The following COP1 variants were observed in gnomAD, a reference collection of about 807,000 sequenced individuals.
The protein encoded by COP1 is COP1 E3 ubiquitin ligase.
A neutral mutation model predicts 101.3 loss-of-function variants in COP1; 24 were observed. The ratio of observed to expected loss-of-function variants is 0.24; its 90% confidence interval spans 0.17 to 0.33. COP1 has a LOEUF of 0.33. COP1 is among the 10% of genes least tolerant of loss of function. COP1 has a pLI of 1.00. For synonymous variants in COP1, 347 were observed against 341.9 expected (o/e 1.01, Z -0.17); for missense variants, 663 against 906.2 (o/e 0.73, Z 3.45).
chr1:176,046,348 A>G, intron 11 of COP1, 24 bp from the exon 12 acceptor site: 1 of 1,596,552 alleles, frequency 6.3e-7, no homozygotes, highest in Non-Finnish European at 8.5e-7. Flanking sequence ...GTATGTAATG[A>G]CAACATTTCA....
intron 15 of COP1, among the ~76,000 whole-genome samples, chr1:175,993,405 A>G (rs1659192260): frequency 6.6e-6 from 1 of 152,244 alleles, no homozygotes; most frequent in African/African-American, 2.4e-5. Context: ...AATGGCTTTG[A>G]CGAGTTGAGA....
intron 14 of COP1, among the ~76,000 whole-genome samples, chr1:176,041,985 G>A (rs1170000847): frequency 6.6e-6 from 1 of 152,082 alleles, no homozygotes; most frequent in African/African-American, 2.4e-5. Context: ...GGTGGCACGT[G>A]CCTGTAGGCC....
chr1:175,952,422 C>A (rs1402977028), intron 18 of COP1, among the ~76,000 whole-genome samples: 17 of 116,012 alleles, frequency 1.5e-4, no homozygotes, highest in African/African-American at 4.2e-4. Context: ...GACTTCATCT[C>A]AAAAAAAAAA....
In COP1 at chr1:176,112,900, C is replaced by CT. The variant is rs1056774925; in HGVS notation, c.1026+3723dup. ...TTGCTGCAAATGACAGGATTTCATTCTTTTTTACGGCTGAATAATATTCCA... is the reference window on the plus strand; with the variant it reads ...TTGCTGCAAATGACAGGATTTCATTCTTTTTTTACGGCTGAATAATATTCCA... On this transcript the variant is annotated intron_variant, in intron 9 of 19. Transcript: ENST00000367669. Among the ~76,000 whole-genome samples, 222 of 152,278 alleles carry CT rather than the reference C, an allele frequency of 1.5e-3. 1 individual carries two copies. The highest frequency in any genetic ancestry group is 5.3e-3 in the African/African-American group (219 of 41,570).
At chr1:175,968,951 C>T (rs1035126937) in intron 18 of COP1, among the ~76,000 whole-genome samples, 8 of 152,112 alleles carry the variant, frequency 5.3e-5, no homozygotes, top group African/African-American at 1.4e-4. Context: ...AATGTGCTTA[C>T]AATGACAAGT....
intron 7 of COP1, among the ~76,000 whole-genome samples, chr1:176,135,552 C>T (rs903528120): frequency 1.3e-5 from 2 of 151,984 alleles, no homozygotes; most frequent in Admixed American, 1.3e-4. Flanking sequence ...ATGTCAGTCT[C>T]TGCTTTATAT....
chr1:176,010,110 C>T (rs141734461), intron 15 of COP1, among the ~76,000 whole-genome samples: 2 of 152,284 alleles, frequency 1.3e-5, no homozygotes, highest in East Asian at 3.9e-4. Flanking sequence ...GACTCACCAA[C>T]TGTAAATGTT....
chr1:175,949,192 A>AAAAAAAAC (rs58585361), intron 18 of COP1, among the ~76,000 whole-genome samples: 1 of 142,150 alleles, frequency 7.0e-6, no homozygotes, highest in Non-Finnish European at 1.5e-5. Context: ...AAAAAAAAAA[A>AAAAAAAAC]TGAACATGGG....
intron 11 of COP1, among the ~76,000 whole-genome samples, chr1:176,079,165 C>A (rs1678634344): frequency 6.6e-6 from 1 of 152,066 alleles, no homozygotes; most frequent in Admixed American, 6.6e-5. Flanking sequence ...GTAAGTTGTT[C>A]TTCCATAAAG....
At chr1:176,141,742 T>TC (rs1360766623) in intron 6 of COP1, among the ~76,000 whole-genome samples, 1 of 151,282 alleles carries the variant, frequency 6.6e-6, no homozygotes, top group African/African-American at 2.4e-5. Context: ...TTTCTTTTTT[T>TC]TTTTTTAAGA....
rs148470952 is a variant in COP1 at position 175,945,705 on chromosome 1, T to C, written c.2179-535A>G. On this transcript the variant is annotated intron_variant, in intron 19 of 19. Transcript: ENST00000367669. The stretch of plus-strand genomic sequence containing the variant: ...TGTCATAAAAAAGTAAGTTGTGATA[T>C]TGCTAAAACTAAGAGGAAGCAAATG... Among the ~76,000 whole-genome samples the C allele has an allele frequency of 2.6e-3, 400 of 152,326 alleles. 3 individuals carry two copies. The highest frequency in any genetic ancestry group is 9.2e-3 in the African/African-American group (382 of 41,578).
At chr1:176,036,509 A>G (rs1028896211) in intron 14 of COP1, among the ~76,000 whole-genome samples, 1 of 145,046 alleles carries the variant, frequency 6.9e-6, no homozygotes, top group Admixed American at 6.9e-5. Context: ...CAAAAAAACA[A>G]AAAAAAAAAA....
At chr1:176,078,636 T>C (rs1392929611) in intron 11 of COP1, among the ~76,000 whole-genome samples, 1 of 138,426 alleles carries the variant, frequency 7.2e-6, no homozygotes, top group Admixed American at 7.1e-5. Flanking sequence ...AAAACAAAAA[T>C]TGACAAGTGG....
At chr1:176,111,039 C>T (rs1158679117) in intron 9 of COP1, among the ~76,000 whole-genome samples, 1 of 152,046 alleles carries the variant, frequency 6.6e-6, no homozygotes, top group Non-Finnish European at 1.5e-5. Context: ...GTAGCCCCAG[C>T]TACTTGGGAG....
At chr1:176,007,395 G>C (rs1433646548) in intron 15 of COP1, among the ~76,000 whole-genome samples, 1 of 152,228 alleles carries the variant, frequency 6.6e-6, no homozygotes, top group Non-Finnish European at 1.5e-5. Context: ...GAGGAACTGC[G>C]TTCCTTTGGA....
intron 3 of COP1, among the ~76,000 whole-genome samples, chr1:176,166,062 G>A (rs1303786365): frequency 6.6e-6 from 1 of 152,096 alleles, no homozygotes; most frequent in Non-Finnish European, 1.5e-5. Flanking sequence ...TAACAATACT[G>A]TAAGATCAAA....
At chr1:176,043,909 A>G (rs1341114958) in intron 12 of COP1, 91 bp from the exon 13 acceptor site, 1 of 772,398 alleles carries the variant, frequency 1.3e-6, no homozygotes, top group Non-Finnish European at 2.3e-6. Flanking sequence ...GATTTGCACT[A>G]TTTTAAAATG....
intron 5 of COP1, among the ~76,000 whole-genome samples, chr1:176,158,184 C>T (rs1455637422): frequency 6.6e-6 from 1 of 151,988 alleles, no homozygotes; most frequent in Non-Finnish European, 1.5e-5. Context: ...AAACATATTT[C>T]ATTAAGAAGA....
At chr1:176,114,512 C>T (rs1480924563) in intron 9 of COP1, among the ~76,000 whole-genome samples, 1 of 149,654 alleles carries the variant, frequency 6.7e-6, no homozygotes, top group Non-Finnish European at 1.5e-5. Context: ...AGTGAATATA[C>T]AAATAAATGT....
Sources: gnomAD v4.1 joint callset for allele counts (sites outside exome capture counted in the v4.1 genomes callset) on GRCh38, gnomAD v4.1.1 for gene constraint, MANE v1.5 for transcripts, NCBI Gene and HGNC (gene_info 2026-07-23, HGNC 2026-07-21) for gene names.